PRKCE: variants seen among roughly 807,000 people sequenced by gnomAD.
PRKCE encodes protein kinase C epsilon.
Under a neutral mutation model 85.4 loss-of-function variants are expected in PRKCE, and 16 were observed. The ratio of observed to expected loss-of-function variants is 0.19; its 90% CI spans 0.13 to 0.28. The LOEUF (loss-of-function observed/expected upper bound fraction) is 0.28, where lower values mean the gene tolerates loss of function less well. Among genes scored for constraint, PRKCE ranks in the 10% least tolerant of loss-of-function variants. PRKCE has a pLI of 1.00. For missense variants in PRKCE, 573 were observed against 975.2 expected (o/e 0.59, Z 5.49); for synonymous variants, 388 against 371.5 (o/e 1.04, Z -0.51).
chr2:45,742,987 G>A (rs1039080510), intron 1 of PRKCE, among the ~76,000 whole-genome samples: 8 of 152,158 alleles, frequency 5.3e-5, no homozygotes, highest in African/African-American at 1.9e-4. Context: ...GCTGAACCCT[G>A]AGGATATTAG....
intron 10 of PRKCE, among the ~76,000 whole-genome samples, chr2:46,014,080 C>G (rs1309630044): frequency 6.6e-6 from 1 of 152,168 alleles, no homozygotes; most frequent in Non-Finnish European, 1.5e-5. Context: ...CTCATGTGCT[C>G]CATCCGCTCC....
chr2:45,824,941 G>A (rs545785834), intron 1 of PRKCE, among the ~76,000 whole-genome samples: 32 of 152,310 alleles, frequency 2.1e-4, no homozygotes, highest in African/African-American at 7.7e-4. Flanking sequence ...TGCAGTCAGG[G>A]CAGGAGACGG....
At chr2:45,938,190 T>A (rs532588279) in intron 2 of PRKCE, among the ~76,000 whole-genome samples, 1 of 152,074 alleles carries the variant, frequency 6.6e-6, no homozygotes, top group Admixed American at 6.6e-5. Flanking sequence ...GCAGGGCTGA[T>A]GGGGGTGGTA....
intron 1 of PRKCE, among the ~76,000 whole-genome samples, chr2:45,691,019 C>A (rs1391364693): frequency 6.6e-6 from 1 of 152,184 alleles, no homozygotes; most frequent in East Asian, 1.9e-4. Context: ...ATGGGAAAAG[C>A]CTGAACTTCG....
chr2:45,931,436 C>T (rs1036815449), intron 2 of PRKCE, among the ~76,000 whole-genome samples: 2 of 152,170 alleles, frequency 1.3e-5, no homozygotes, highest in African/African-American at 4.8e-5. Flanking sequence ...GGTAAATGCT[C>T]TAACAACACT....
intron 14 of PRKCE, among the ~76,000 whole-genome samples, chr2:46,169,804 CA>C (rs1678713642): frequency 6.6e-6 from 1 of 152,074 alleles, no homozygotes; most frequent in South Asian, 2.1e-4. Flanking sequence ...GGTGTTCAAC[CA>C]AATAATTGAG....
chr2:45,693,410 G>A (rs1353976587), intron 1 of PRKCE, among the ~76,000 whole-genome samples: 1 of 152,184 alleles, frequency 6.6e-6, no homozygotes, highest in African/African-American at 2.4e-5. Context: ...GTGATGGTTG[G>A]AACCATGGGG....
chr2:45,719,311 C>A (rs1278589674), intron 1 of PRKCE, among the ~76,000 whole-genome samples: 2 of 152,224 alleles, frequency 1.3e-5, no homozygotes, highest in Non-Finnish European at 2.9e-5. Flanking sequence ...TTTTGCTTAT[C>A]TCTGCACTGA....
intron 1 of PRKCE, among the ~76,000 whole-genome samples, chr2:45,684,719 A>G (rs1053526709): frequency 1.3e-5 from 2 of 152,104 alleles, no homozygotes; most frequent in Non-Finnish European, 2.9e-5. Flanking sequence ...TCTTTTGCCA[A>G]ATGGGCACCC....
intron 10 of PRKCE, among the ~76,000 whole-genome samples, chr2:46,021,386 A>G (rs1460441046): frequency 1.3e-5 from 2 of 152,156 alleles, no homozygotes; most frequent in African/African-American, 4.8e-5. Context: ...AAAAGGAAAA[A>G]TGAAAAGCAG....
At chr2:45,758,934 G>A (rs763616517) in intron 1 of PRKCE, among the ~76,000 whole-genome samples, 1 of 152,178 alleles carries the variant, frequency 6.6e-6, no homozygotes, top group Non-Finnish European at 1.5e-5. Context: ...GGAGTCCGGC[G>A]TGTTGTCTTG....
chr2:45,834,773 T>C (rs1294300035), intron 1 of PRKCE, among the ~76,000 whole-genome samples: 1 of 152,248 alleles, frequency 6.6e-6, no homozygotes, highest in African/African-American at 2.4e-5. Flanking sequence ...ACTCGCATGG[T>C]GATCTACCAT....
chr2:45,713,781 T>C (rs1283986448), intron 1 of PRKCE, among the ~76,000 whole-genome samples: 1 of 152,178 alleles, frequency 6.6e-6, no homozygotes, highest in Non-Finnish European at 1.5e-5. Flanking sequence ...TCTCTAGAAA[T>C]AGATCTGGAT....
At chr2:45,730,644 C>T (rs1302185084) in intron 1 of PRKCE, among the ~76,000 whole-genome samples, 1 of 149,212 alleles carries the variant, frequency 6.7e-6, no homozygotes, top group African/African-American at 2.5e-5. Flanking sequence ...ATTTTTAGTA[C>T]AGACAGGGTT....
Position 46,032,214 on chromosome 2 carries a change from G to A in PRKCE, c.1437+21697G>A, listed in dbSNP as rs568582160. Among the ~76,000 whole-genome samples, 8 of 151,984 alleles carry A rather than the reference G, an allele frequency of 5.3e-5. No homozygotes were observed. The South Asian group carries it at 8.3e-4, about 16-fold the overall frequency. On this transcript the variant is annotated intron_variant, in intron 10 of 14. Coordinates refer to ENST00000306156, the MANE Select transcript of PRKCE (RefSeq NM_005400.3). Reference sequence around the variant, plus strand: ...TACTTTATCTTCATGGTGCTTTTGCGACAGGCAGGGTCCTGGGATATCTTT... The same window carrying A: ...TACTTTATCTTCATGGTGCTTTTGCAACAGGCAGGGTCCTGGGATATCTTT...
At chr2:46,144,143 G>A (rs1203001996) in intron 11 of PRKCE, among the ~76,000 whole-genome samples, 1 of 152,164 alleles carries the variant, frequency 6.6e-6, no homozygotes. Flanking sequence ...TGTAAAACAG[G>A]CCCCAAGGGA....
chr2:46,033,469 G>A (rs536109073), intron 10 of PRKCE, among the ~76,000 whole-genome samples: 1 of 152,276 alleles, frequency 6.6e-6, no homozygotes, highest in South Asian at 2.1e-4. Flanking sequence ...CAGGGAGCCG[G>A]TTAATTGGCA....
intron 1 of PRKCE, among the ~76,000 whole-genome samples, chr2:45,735,693 A>G (rs2104590844): frequency 6.6e-6 from 1 of 152,322 alleles, no homozygotes; most frequent in South Asian, 2.1e-4. Context: ...CAAAGAGAAA[A>G]TAACTCTTAG....
intron 1 of PRKCE, among the ~76,000 whole-genome samples, chr2:45,665,225 T>C (rs568102829): frequency 2.0e-5 from 3 of 152,320 alleles, no homozygotes; most frequent in Admixed American, 6.5e-5. Flanking sequence ...TTCTCAGAAA[T>C]TGCTTTTTCT....
Sources: gnomAD v4.1 joint callset for allele counts (sites outside exome capture counted in the v4.1 genomes callset) on GRCh38, gnomAD v4.1.1 for gene constraint, MANE v1.5 for transcripts, NCBI Gene and HGNC (gene_info 2026-07-23, HGNC 2026-07-21) for gene names.